Variants in OSBPL11 observed in about 807,000 individuals in gnomAD.
The protein encoded by OSBPL11 is oxysterol binding protein like 11.
A neutral mutation model predicts 84.4 loss-of-function variants in OSBPL11; 33 were observed. The ratio of observed to expected loss-of-function variants is 0.39; its 90% CI spans 0.30 to 0.52. OSBPL11 has a LOEUF of 0.52. OSBPL11 is among the 20% of genes least tolerant of loss of function. OSBPL11 has a pLI of 0.72. For synonymous variants in OSBPL11, 276 were observed against 310.2 expected, an observed-to-expected ratio of 0.89 and a Z score of 1.16; for missense variants, 736 against 901.1, an observed-to-expected ratio of 0.82 and a Z score of 2.35.
intron 10 of OSBPL11, among the ~76,000 whole-genome samples, chr3:125,545,941 G>C (rs1935806821): frequency 1.3e-5 from 2 of 152,094 alleles, no homozygotes; most frequent in African/African-American, 4.8e-5. Flanking sequence ...ATTAAATAAA[G>C]ACATGAAGAA....
At chr3:125,585,573 G>A (rs1936495475) in intron 1 of OSBPL11, among the ~76,000 whole-genome samples, 1 of 151,318 alleles carries the variant, frequency 6.6e-6, no homozygotes. Context: ...ATATTGACAT[G>A]GTTTATTTGG....
At chr3:125,564,216 G>A (rs1034761371) in intron 6 of OSBPL11, among the ~76,000 whole-genome samples, 1 of 152,210 alleles carries the variant, frequency 6.6e-6, no homozygotes, top group African/African-American at 2.4e-5. Context: ...AGCTACAGGA[G>A]GAGTCTGGGA....
At chr3:125,547,109 G>A (rs776802381) in intron 10 of OSBPL11, among the ~76,000 whole-genome samples, 1 of 152,112 alleles carries the variant, frequency 6.6e-6, no homozygotes, top group Non-Finnish European at 1.5e-5. Context: ...ATCCAAATCT[G>A]TATCCCTTAA....
rs555602390 is a variant in OSBPL11 at position 125,595,226 on chromosome 3, C to T, written c.-426G>A. On this transcript the variant is annotated 5_prime_UTR_variant, in exon 1 of 13. Transcript: ENST00000296220. The stretch of plus-strand genomic sequence containing the variant: ...GACCCGCCGCGCTCCCTCGTCTCCT[C>T]CGCAGGTCCTCAGGCAGTGCGTCCA... 6.4e-6 allele frequency: 1 copy of T among 157,014 alleles called. No individual in the cohort carries two copies. The highest frequency in any genetic ancestry group is 2.4e-5 in the African/African-American group (1 of 41,666). The allele number at this position is 157,014 out of a possible 1,614,324, so 9.7% of individuals were successfully genotyped here. A position where few individuals can be genotyped will look rare whatever the true frequency, so the allele number is the denominator to read the frequency against.
intron 2 of OSBPL11, 83 bp from the exon 3 acceptor site, chr3:125,580,123 A>G: frequency 8.7e-7 from 1 of 1,155,438 alleles, no homozygotes; most frequent in Non-Finnish European, 1.2e-6. Context: ...TCACTTACAC[A>G]TTTCAGGGTT....
Position 125,547,387 on chromosome 3 carries a change from A to G in OSBPL11, c.1841+19T>C. The G allele has an allele frequency of 6.3e-7, 1 of 1,598,008 alleles. No homozygotes were observed. The highest frequency in any genetic ancestry group is 8.6e-7 in the Non-Finnish European group (1 of 1,169,006). ...AAAGTGGAAGAATAAGAACTAGATA[A>G]TCATTAAAATGTTCTTACCGATGCA... On this transcript the variant is annotated intron_variant, in intron 10 of 12. Coordinates refer to ENST00000296220, the MANE Select transcript of OSBPL11 (RefSeq NM_022776.5).
intron 1 of OSBPL11, among the ~76,000 whole-genome samples, chr3:125,587,326 T>C (rs2922185): frequency 0.16 from 23,887 of 152,172 alleles, 1,938 homozygotes; most frequent in Middle Eastern, 0.18. Context: ...CGCAGAGAAA[T>C]TTTGGATTTG....
chr3:125,591,174 C>T (rs999548338), intron 1 of OSBPL11, among the ~76,000 whole-genome samples: 1 of 152,200 alleles, frequency 6.6e-6, no homozygotes, highest in African/African-American at 2.4e-5. Flanking sequence ...GCTGGACATA[C>T]CTAAAACCAG....
At chr3:125,535,689 G>A (rs1935631709) in intron 11 of OSBPL11, among the ~76,000 whole-genome samples, 1 of 150,942 alleles carries the variant, frequency 6.6e-6, no homozygotes, top group Admixed American at 6.6e-5. Context: ...TGGCCAGGCT[G>A]GTCTTGAACT....
intron 1 of OSBPL11, among the ~76,000 whole-genome samples, chr3:125,588,998 G>C (rs1173785077): frequency 6.6e-6 from 1 of 152,172 alleles, no homozygotes; most frequent in Non-Finnish European, 1.5e-5. Context: ...AAAAATGTTA[G>C]CACTCTTTGG....
intron 4 of OSBPL11, 117 bp downstream of exon 4, chr3:125,578,843 T>C: frequency 1.9e-6 from 1 of 532,114 alleles, no homozygotes; most frequent in East Asian, 3.3e-5. Context: ...TATACGTATA[T>C]ACTTTAAAAG....
chr3:125,543,687 G>A lies in OSBPL11; in HGVS notation c.1841+3719C>T, dbSNP rs148719823. Among the ~76,000 whole-genome samples, 12 of 152,184 alleles carry A rather than the reference G, an allele frequency of 7.9e-5. No individual in the cohort carries two copies. In the East Asian group the frequency reaches 2.2e-3, roughly 27 times the overall value. ...AGGCCAAGGTGGGCAGATCACTTGA[G>A]GTCAGGAGTTCAAGACCAGCCTGGC... On this transcript the variant is annotated intron_variant, in intron 10 of 12. Coordinates refer to ENST00000296220, the MANE Select transcript of OSBPL11 (RefSeq NM_022776.5).
At chr3:125,534,231 A>T (rs1935604340) in intron 11 of OSBPL11, among the ~76,000 whole-genome samples, 1 of 152,100 alleles carries the variant, frequency 6.6e-6, no homozygotes, top group Non-Finnish European at 1.5e-5. Flanking sequence ...AAATATAAAA[A>T]AATTAGCTGG....
intron 10 of OSBPL11, among the ~76,000 whole-genome samples, chr3:125,545,618 ATG>A (rs111370155): frequency 1.6e-4 from 25 of 151,652 alleles, no homozygotes; most frequent in East Asian, 9.7e-4. Flanking sequence ...ATATGTATAT[ATG>A]TGTGTGTGTG....
At chr3:125,565,691 G>A (rs1300314038) in intron 6 of OSBPL11, among the ~76,000 whole-genome samples, 2 of 152,118 alleles carry the variant, frequency 1.3e-5, no homozygotes, top group Non-Finnish European at 2.9e-5. Context: ...TCTATAATGA[G>A]TATGTTGCTT....
chr3:125,537,644 T>C (rs1935661993), intron 11 of OSBPL11, among the ~76,000 whole-genome samples: 1 of 152,322 alleles, frequency 6.6e-6, no homozygotes, highest in Middle Eastern at 3.4e-3. Flanking sequence ...TATGTGATCT[T>C]AATGTAAGAT....
chr3:125,547,347 T>C, intron 10 of OSBPL11, 59 bp downstream of exon 10: 2 of 1,399,194 alleles, frequency 1.4e-6, no homozygotes, highest in African/African-American at 1.4e-5. Flanking sequence ...GAATAAGGAG[T>C]TGTAATACAA....
At chr3:125,546,912 A>T (rs1935827446) in intron 10 of OSBPL11, among the ~76,000 whole-genome samples, 1 of 152,090 alleles carries the variant, frequency 6.6e-6, no homozygotes, top group Non-Finnish European at 1.5e-5. Context: ...AAAAAAAAAA[A>T]ATGCATCAAT....
In OSBPL11 at chr3:125,529,994, A is replaced by AT. The variant is rs11458216; in HGVS notation, c.*520dup. The AT allele has an allele frequency of 0.56, 85,734 of 151,774 alleles. 26,572 individuals are homozygous for AT. The highest frequency in any genetic ancestry group is 0.86 in the African/African-American group (35,374 of 41,062). 9.4% of individuals were successfully genotyped at this position (151,774 alleles called of 1,614,324 possible). ...ATGCCTTGTTACCACAACCTGGTTG[A>AT]TTTTTTTTTTTAAACACTGATTTCA... On this transcript the variant is annotated 3_prime_UTR_variant, in exon 13 of 13. Coordinates refer to ENST00000296220, the MANE Select transcript of OSBPL11 (RefSeq NM_022776.5).
Sources: gnomAD v4.1 joint callset for allele counts (sites outside exome capture counted in the v4.1 genomes callset) on GRCh38, gnomAD v4.1.1 for gene constraint, MANE v1.5 for transcripts, NCBI Gene and HGNC (gene_info 2026-07-23, HGNC 2026-07-21) for gene names.